ZNF875: variants seen among roughly 807,000 people sequenced by gnomAD.
ZNF875 encodes the protein HKR1, GLI-Kruppel zinc finger family member.
ZNF875 carries 14 observed loss-of-function variants against 11.2 expected under a neutral mutation model. That is an observed-to-expected ratio of 1.26 (90% CI 0.83 to 1.96). ZNF875 has a LOEUF of 1.96. ZNF875 is among the 30% of genes most tolerant of loss of function. ZNF875 has a pLI of 0.00. For synonymous variants in ZNF875, 301 were observed against 281.1 expected, an observed-to-expected ratio of 1.07 and a Z score of -0.71; for missense variants, 752 against 760.4, an observed-to-expected ratio of 0.99 and a Z score of 0.13.
At chr19:37,327,010 C>T (rs1275714298) in intron 4 of ZNF875, among the ~76,000 whole-genome samples, 7 of 147,212 alleles carry the variant, frequency 4.8e-5, no homozygotes, top group Non-Finnish European at 7.5e-5. Flanking sequence ...TTTTTTTTTT[C>T]GAGATGAAGT....
chr19:37,342,291 G>A (rs1269688283), intron 2 of ZNF875, among the ~76,000 whole-genome samples: 1 of 152,064 alleles, frequency 6.6e-6, no homozygotes, highest in Non-Finnish European at 1.5e-5. Flanking sequence ...TTATTTCCAA[G>A]CTAGCAAGTC....
chr19:37,321,805 C>T (rs1223044031), intron 1 of ZNF875, among the ~76,000 whole-genome samples: 4 of 152,142 alleles, frequency 2.6e-5, no homozygotes, highest in Non-Finnish European at 5.9e-5. Flanking sequence ...GACATCGATT[C>T]TGCCTCTCAA....
chr19:37,334,516 G>T (rs1327118796), upstream of ZNF875: 1 of 355,232 alleles, frequency 2.8e-6, no homozygotes. Flanking sequence ...CTGTGCAGAT[G>T]TCAGTCACCC....
intron 4 of ZNF875, among the ~76,000 whole-genome samples, chr19:37,359,974 G>T (rs1427735713): frequency 2.0e-5 from 3 of 152,048 alleles, no homozygotes; most frequent in Admixed American, 1.3e-4. Flanking sequence ...TTGTGCTTTT[G>T]GTGTTGTAAC....
intron 2 of ZNF875, among the ~76,000 whole-genome samples, chr19:37,345,226 A>G (rs1340551005): frequency 1.3e-5 from 2 of 152,174 alleles, no homozygotes; most frequent in Non-Finnish European, 2.9e-5. Context: ...GGTAGCTCTA[A>G]AATATAGCCA....
chr19:37,333,360 A>G (rs1237935561), upstream of ZNF875, among the ~76,000 whole-genome samples: 1 of 151,336 alleles, frequency 6.6e-6, no homozygotes, highest in African/African-American at 2.4e-5. Flanking sequence ...CAAGCATTCT[A>G]CATTTATAGA....
chr19:37,353,836 C>T (rs368680863), intron 4 of ZNF875, among the ~76,000 whole-genome samples: 3 of 152,062 alleles, frequency 2.0e-5, no homozygotes, highest in Admixed American at 6.6e-5. Context: ...GCAGTTTGAC[C>T]GTGATGTTTC....
intron 2 of ZNF875, chr19:37,345,134 C>T (rs1409120530): frequency 5.5e-6 from 1 of 181,302 alleles, no homozygotes; most frequent in Non-Finnish European, 1.2e-5. Context: ...TTTTAGGAGC[C>T]TTTGAAAGTA....
At chr19:37,355,738 T>C (rs997687235) in intron 4 of ZNF875, among the ~76,000 whole-genome samples, 9 of 152,236 alleles carry the variant, frequency 5.9e-5, no homozygotes, top group Non-Finnish European at 1.3e-4. Context: ...GGAATTATTA[T>C]TTCAATAATC....
Position 37,363,281 on chromosome 19 carries a change from C to G in ZNF875, c.1429C>G (p.Pro477Ala), listed in dbSNP as rs760742788. The G allele has an allele frequency of 4.3e-6, 7 of 1,613,546 alleles. No homozygotes were observed. The Admixed American group carries it at 1.0e-4, about 23-fold the overall frequency. The change falls in exon 5 of 5, where the codon CCA (proline) becomes GCA (alanine). Residue 477 changes from proline (P) to alanine (A), a missense_variant. By Grantham distance (27) the Pro-to-Ala change is conservative. Transcript: ENST00000392153. ...KHQRSHTGEK[P>A]FVCTECGRGF... ...CCAGAGGTCACACACGGGGGAGAAGCCATTTGTATGTACGGAGTGTGGGCG... is the reference window on the plus strand; with the variant it reads ...CCAGAGGTCACACACGGGGGAGAAGGCATTTGTATGTACGGAGTGTGGGCG...
chr19:37,363,290 T>C lies in ZNF875; in HGVS notation c.1438T>C (p.Cys480Arg), dbSNP rs988666008. 1.1e-5 allele frequency: 17 copies of C among 1,613,526 alleles called. No homozygotes were observed. Among genetic ancestry groups the C allele is most frequent in the Admixed American group, 6.7e-5 (4 of 59,972 alleles). ...RSHTGEKPFV[C>R]TECGRGFTRK... The stretch of plus-strand genomic sequence containing the variant: ...ACACACGGGGGAGAAGCCATTTGTA[T>C]GTACGGAGTGTGGGCGAGGCTTTAC... The change falls in exon 5 of 5, where the codon TGT (cysteine) becomes CGT (arginine). Residue 480 changes from cysteine to arginine, a missense_variant. Physicochemically the swap from Cys to Arg is radical, Grantham distance 180. Coordinates refer to ENST00000392153, the MANE Select transcript of ZNF875 (RefSeq NM_001353803.2).
chr19:37,340,344 G>A lies in ZNF875; in HGVS notation c.33+5087G>A, dbSNP rs111754569. Among the ~76,000 whole-genome samples the A allele has an allele frequency of 6.3e-3, 959 of 152,176 alleles. 6 individuals are homozygous for A. The highest frequency in any genetic ancestry group is 0.024 in the South Asian group (115 of 4,812). ...TACACTGTGCAGATTTTGATTACCG[G>A]GGTAGACCTGCCAACTTAGGTCTCT... On this transcript the variant is annotated intron_variant, in intron 2 of 4. Coordinates refer to ENST00000392153, the MANE Select transcript of ZNF875 (RefSeq NM_001353803.2).
At chr19:37,361,875 C>T (rs367689769) in intron 4 of ZNF875, 2 of 483,702 alleles carry the variant, frequency 4.1e-6, no homozygotes. Flanking sequence ...TGAGATCGCA[C>T]CACTGCACTC....
intron 4 of ZNF875, among the ~76,000 whole-genome samples, chr19:37,350,375 G>A (rs1057439498): frequency 2.6e-5 from 4 of 151,904 alleles, no homozygotes; most frequent in Non-Finnish European, 5.9e-5. Context: ...ACAGGCGTGA[G>A]CCACTTTACC....
chr19:37,321,730 A>G (rs1167653979), intron 1 of ZNF875, among the ~76,000 whole-genome samples: 1 of 152,172 alleles, frequency 6.6e-6, no homozygotes, highest in East Asian at 1.9e-4. Flanking sequence ...ACAGGGCTCC[A>G]GGTCAGATGC....
intron 2 of ZNF875, chr19:37,344,777 T>G: frequency 1.3e-6 from 2 of 1,505,028 alleles, no homozygotes; most frequent in Non-Finnish European, 1.9e-6. Context: ...GAATAACGGT[T>G]GTATTAAATG....
In ZNF875 at chr19:37,363,509, A is replaced by G; in HGVS notation, c.1657A>G (p.Lys553Glu). ...FRQKPNLFRH[K>E]RAHSGAFVCR... ...GCAGAAGCCTAACCTGTTTAGGCAC[A>G]AGAGGGCACACTCAGGTGCCTTTGT... Residue 553 changes from lysine to glutamate, a missense_variant, in exon 5 of 5, where the codon AAG becomes GAG. Lys to Glu is a moderately conservative substitution (Grantham distance 56). Coordinates refer to ENST00000392153, the MANE Select transcript of ZNF875 (RefSeq NM_001353803.2). 1 of 1,612,792 alleles carries G rather than the reference A, an allele frequency of 6.2e-7. No individual in the cohort carries two copies. The highest frequency in any genetic ancestry group is 8.5e-7 in the Non-Finnish European group (1 of 1,179,302).
intron 4 of ZNF875, chr19:37,324,376 A>G (rs1568564077): frequency 6.6e-6 from 1 of 152,206 alleles, no homozygotes; most frequent in Non-Finnish European, 1.5e-5. Flanking sequence ...AGCATATAAA[A>G]TGACCCATCT....
intron 4 of ZNF875, among the ~76,000 whole-genome samples, chr19:37,356,845 C>A (rs2038996193): frequency 6.6e-6 from 1 of 152,040 alleles, no homozygotes; most frequent in Admixed American, 6.6e-5. Flanking sequence ...TCATATTTGT[C>A]CATTTTTGTT....
Sources: gnomAD v4.1 joint callset for allele counts (sites outside exome capture counted in the v4.1 genomes callset) on GRCh38, gnomAD v4.1.1 for gene constraint, MANE v1.5 for transcripts, NCBI Gene and HGNC (gene_info 2026-07-23, HGNC 2026-07-21) for gene names.